Variants in ROR1 observed in about 807,000 individuals in gnomAD.
The protein encoded by ROR1 is inactive tyrosine-protein kinase transmembrane receptor ROR1.
A neutral mutation model predicts 78.8 loss-of-function variants in ROR1; 19 were observed. The observed-to-expected ratio is 0.24, with a 90% CI of 0.17 to 0.35. The LOEUF is 0.35. ROR1 is among the 10% of genes least tolerant of loss of function. The probability of loss-of-function intolerance (pLI) is 1.00; values close to 1 mark genes in which losing one functional copy is unlikely to be tolerated. For synonymous variants in ROR1, 386 were observed against 433.6 expected (o/e 0.89, Z 1.36); for missense variants, 917 against 1,177.8 (o/e 0.78, Z 3.24).
At chr1:63,794,446 G>A (rs539375150) in intron 1 of ROR1, among the ~76,000 whole-genome samples, 5 of 152,294 alleles carry the variant, frequency 3.3e-5, no homozygotes, top group South Asian at 4.1e-4. Flanking sequence ...GTCTGGCATC[G>A]AAACTGGCTT....
chr1:64,086,314 G>A (rs549850023), intron 4 of ROR1, among the ~76,000 whole-genome samples: 175 of 152,304 alleles, frequency 1.1e-3, no homozygotes, highest in African/African-American at 3.9e-3. Flanking sequence ...GTTCAAACCC[G>A]TCTTTATATT....
intron 8 of ROR1, among the ~76,000 whole-genome samples, chr1:64,175,970 A>G (rs1650367266): frequency 6.6e-6 from 1 of 152,188 alleles, no homozygotes; most frequent in Non-Finnish European, 1.5e-5. Context: ...GATTTGAAGG[A>G]TGGGGATTAT....
chr1:63,992,434 C>T (rs1646304000), intron 1 of ROR1, among the ~76,000 whole-genome samples: 1 of 152,098 alleles, frequency 6.6e-6, no homozygotes, highest in African/African-American at 2.4e-5. Flanking sequence ...TCTTGAACTC[C>T]TGACCTCATG....
intron 4 of ROR1, chr1:64,111,901 T>G (rs1648113191): frequency 6.6e-6 from 1 of 152,228 alleles, no homozygotes. Context: ...GTTTAAGACT[T>G]GCTTACAGTG....
At chr1:63,998,895 T>G (rs958495569) in intron 1 of ROR1, among the ~76,000 whole-genome samples, 1 of 152,200 alleles carries the variant, frequency 6.6e-6, no homozygotes, top group Admixed American at 6.5e-5. Flanking sequence ...CCTGTACTGT[T>G]CTTGTGGTAG....
At chr1:64,121,210 C>T (rs1648528307) in intron 4 of ROR1, among the ~76,000 whole-genome samples, 1 of 144,896 alleles carries the variant, frequency 6.9e-6, no homozygotes, top group Admixed American at 6.9e-5. Flanking sequence ...CTCCCTCCTC[C>T]TCCCCTGCTT....
chr1:64,135,379 T>A (rs1649068693), intron 4 of ROR1, among the ~76,000 whole-genome samples: 1 of 152,154 alleles, frequency 6.6e-6, no homozygotes, highest in Non-Finnish European at 1.5e-5. Context: ...CAGGGTTTTG[T>A]CCTCCCAAGA....
At chr1:63,950,544 C>T (rs1474575758) in intron 1 of ROR1, among the ~76,000 whole-genome samples, 1 of 152,178 alleles carries the variant, frequency 6.6e-6, no homozygotes, top group Non-Finnish European at 1.5e-5. Flanking sequence ...GTTTTAGTAG[C>T]AGGGTTTTTG....
chr1:63,847,490 C>T (rs138641823), intron 1 of ROR1, among the ~76,000 whole-genome samples: 232 of 152,206 alleles, frequency 1.5e-3, no homozygotes, highest in Non-Finnish European at 2.8e-3. Context: ...CCCAGAGACT[C>T]CTGTGCTCTA....
chr1:63,940,885 C>A (rs1645833410), intron 1 of ROR1, among the ~76,000 whole-genome samples: 1 of 152,148 alleles, frequency 6.6e-6, no homozygotes, highest in Non-Finnish European at 1.5e-5. Context: ...ATCCAGGTGT[C>A]CAGATGCAGG....
chr1:63,778,220 A>C (rs951780465), intron 1 of ROR1, among the ~76,000 whole-genome samples: 1 of 152,264 alleles, frequency 6.6e-6, no homozygotes, highest in Non-Finnish European at 1.5e-5. Context: ...TGAGTGCGTG[A>C]AATTAATTTG....
chr1:64,174,342 C>A (rs1486478714), intron 8 of ROR1, among the ~76,000 whole-genome samples: 1 of 152,128 alleles, frequency 6.6e-6, no homozygotes, highest in Non-Finnish European at 1.5e-5. Flanking sequence ...TTGCTAAGTG[C>A]TTAGAACATT....
intron 8 of ROR1, among the ~76,000 whole-genome samples, chr1:64,162,771 A>G (rs1336372099): frequency 6.6e-6 from 1 of 152,184 alleles, no homozygotes; most frequent in African/African-American, 2.4e-5. Context: ...AAATTTTACA[A>G]TCTGAGTGAG....
chr1:63,827,232 A>G (rs1644959209), intron 1 of ROR1, among the ~76,000 whole-genome samples: 2 of 152,066 alleles, frequency 1.3e-5, no homozygotes, highest in Non-Finnish European at 2.9e-5. Context: ...CCCATTCTGT[A>G]GGTAGTCTGT....
intron 4 of ROR1, among the ~76,000 whole-genome samples, chr1:64,065,823 T>A (rs1322388786): frequency 1.3e-5 from 2 of 152,234 alleles, no homozygotes; most frequent in African/African-American, 4.8e-5. Context: ...TTTCAGAGCA[T>A]CATTTATCTT....
chr1:63,985,168 C>G (rs577801707), intron 1 of ROR1, among the ~76,000 whole-genome samples: 1 of 152,272 alleles, frequency 6.6e-6, no homozygotes, highest in East Asian at 1.9e-4. Context: ...CATCTCCTTT[C>G]CTGATCTCAA....
intron 1 of ROR1, among the ~76,000 whole-genome samples, chr1:63,840,313 C>G (rs1260815183): frequency 1.4e-5 from 2 of 146,010 alleles, no homozygotes; most frequent in African/African-American, 5.1e-5. Flanking sequence ...GAGTTTCACT[C>G]TTGTTGCCCA....
chr1:64,168,204 G>A (rs1451126340), intron 8 of ROR1, among the ~76,000 whole-genome samples: 1 of 152,210 alleles, frequency 6.6e-6, no homozygotes, highest in African/African-American at 2.4e-5. Context: ...TCTGGTGTCT[G>A]AATTGACCAC....
chr1:64,072,861 C>G (rs1399922886), intron 4 of ROR1, among the ~76,000 whole-genome samples: 1 of 152,160 alleles, frequency 6.6e-6, no homozygotes, highest in Non-Finnish European at 1.5e-5. Flanking sequence ...CGTCTGGATT[C>G]CACCTCTGCT....
Sources: gnomAD v4.1 joint callset for allele counts (sites outside exome capture counted in the v4.1 genomes callset) on GRCh38, gnomAD v4.1.1 for gene constraint, MANE v1.5 for transcripts, NCBI Gene and HGNC (gene_info 2026-07-23, HGNC 2026-07-21) for gene names.